PKIA: variants seen among roughly 807,000 people sequenced by gnomAD.
PKIA encodes the protein PKI-alpha.
Under a neutral mutation model 7.6 loss-of-function variants are expected in PKIA, and 4 were observed. That is an observed-to-expected ratio of 0.52 (90% CI 0.26 to 1.20). The LOEUF (loss-of-function observed/expected upper bound fraction) is 1.20, where lower values mean the gene tolerates loss of function less well. PKIA is among the 50% of genes most tolerant of loss of function. The pLI, the probability that PKIA is intolerant of heterozygous loss-of-function variation, is 0.13. For synonymous variants in PKIA, 21 were observed against 30.7 expected, an observed-to-expected ratio of 0.68 and a Z score of 1.04; for missense variants, 73 against 86.2, an observed-to-expected ratio of 0.85 and a Z score of 0.61.
intron 1 of PKIA, among the ~76,000 whole-genome samples, chr8:78,557,303 G>A (rs866104156): frequency 2.6e-5 from 4 of 152,060 alleles, no homozygotes; most frequent in Non-Finnish European, 2.9e-5. Flanking sequence ...TAGTTTTCCA[G>A]GGACTTAATA....
At chr8:78,564,193 A>T (rs1450200355) in intron 1 of PKIA, among the ~76,000 whole-genome samples, 2 of 152,092 alleles carry the variant, frequency 1.3e-5, no homozygotes, top group South Asian at 2.1e-4. Flanking sequence ...AAAAAGAAAA[A>T]AAAGAATGGC....
chr8:78,516,458 G>A lies in PKIA; in HGVS notation c.-167G>A, dbSNP rs1268271086. On this transcript the variant is annotated 5_prime_UTR_variant, in exon 1 of 4. Transcript: ENST00000396418. ...GTGCGCGGGGACCTGCGCTGACTAGGTCCGGGGAAGGTAAGCAGCCCGGCA... is the reference window on the plus strand; with the variant it reads ...GTGCGCGGGGACCTGCGCTGACTAGATCCGGGGAAGGTAAGCAGCCCGGCA... The A allele has an allele frequency of 6.6e-6, 1 of 152,314 alleles. No individual in the cohort carries two copies. Among genetic ancestry groups the A allele is most frequent in the Non-Finnish European group, 1.5e-5 (1 of 68,138 alleles). 9.4% of individuals were successfully genotyped at this position (152,314 alleles called of 1,614,324 possible).
rs1254330520 is a variant in PKIA at position 78,604,192 on chromosome 8, T to C, written c.*2371T>C. On this transcript the variant is annotated 3_prime_UTR_variant, in exon 4 of 4. Coordinates refer to ENST00000396418, the MANE Select transcript of PKIA (RefSeq NM_006823.4). ...AGGGCCTTGGGTTTAGTAACAGGCA[T>C]TGGATGTCTATTAACCAACTATTCT... The C allele has an allele frequency of 1.6e-4, 24 of 152,128 alleles. No individual in the cohort carries two copies. Among genetic ancestry groups the C allele is most frequent in the African/African-American group, 2.4e-5 (1 of 41,538 alleles). 9.4% of individuals were successfully genotyped at this position (152,128 alleles called of 1,614,324 possible). A position where few individuals can be genotyped will look rare whatever the true frequency, so the allele number is the denominator to read the frequency against.
intron 2 of PKIA, among the ~76,000 whole-genome samples, chr8:78,596,353 T>C (rs1330041053): frequency 6.6e-6 from 1 of 152,050 alleles, no homozygotes; most frequent in Non-Finnish European, 1.5e-5. Context: ...GATTCTCCTG[T>C]TTCAGCCTCT....
chr8:78,565,508 G>A (rs867796840), intron 1 of PKIA, among the ~76,000 whole-genome samples: 50 of 152,016 alleles, frequency 3.3e-4, no homozygotes, highest in African/African-American at 1.2e-3. Flanking sequence ...TGTCTTCTTA[G>A]TCTAAACCTG....
intron 3 of PKIA, 81 bp downstream of exon 3, chr8:78,598,616 C>G (rs185224990): frequency 8.9e-7 from 1 of 1,118,226 alleles, no homozygotes; most frequent in Admixed American, 2.0e-5. Context: ...GCACGAAAAG[C>G]CATCTTTGAA....
intron 1 of PKIA, among the ~76,000 whole-genome samples, chr8:78,521,592 T>C (rs1350827416): frequency 6.7e-6 from 1 of 148,272 alleles, no homozygotes; most frequent in Non-Finnish European, 1.5e-5. Flanking sequence ...CCCAAATACC[T>C]TTTTTTGTAC....
At chr8:78,545,820 T>C (rs1806807265) in intron 1 of PKIA, among the ~76,000 whole-genome samples, 1 of 152,148 alleles carries the variant, frequency 6.6e-6, no homozygotes, top group Non-Finnish European at 1.5e-5. Flanking sequence ...ACTGATAGCA[T>C]CAATAGAAAT....
At chr8:78,540,691 G>T (rs879673408) in intron 1 of PKIA, among the ~76,000 whole-genome samples, 7 of 151,338 alleles carry the variant, frequency 4.6e-5, no homozygotes, top group Non-Finnish European at 8.8e-5. Context: ...TTACTTTCTG[G>T]TTTTCCTTTT....
rs184464628 is a variant in PKIA at position 78,554,265 on chromosome 8, T to C, written c.-156-18546T>C. Among the ~76,000 whole-genome samples, 794 of 152,138 alleles carry C rather than the reference T, an allele frequency of 5.2e-3. 4 individuals are homozygous for C. The highest frequency in any genetic ancestry group is 8.8e-3 in the Non-Finnish European group (596 of 67,916). ...GTTGACGCCAGGCCAGGGTTTTCAC[T>C]ATGCAACCTAGCATGTAGCCCTAAA... is the stretch of plus-strand genomic sequence containing the variant. On this transcript the variant is annotated intron_variant, in intron 1 of 3. Transcript: ENST00000396418.
Position 78,548,145 on chromosome 8 carries a change from T to A in PKIA, c.-156-24666T>A, listed in dbSNP as rs544807208. Among the ~76,000 whole-genome samples, 4 of 152,248 alleles carry A rather than the reference T, an allele frequency of 2.6e-5. No individual in the cohort carries two copies. The East Asian group carries it at 5.8e-4, about 22-fold the overall frequency. On this transcript the variant is annotated intron_variant, in intron 1 of 3. Coordinates refer to ENST00000396418, the MANE Select transcript of PKIA (RefSeq NM_006823.4). ...GATTAAACTACACAGATATAAGGTT[T>A]GATGTATTTTCTTAAAAGATGAGAA...
chr8:78,588,480 C>T (rs899127916), intron 2 of PKIA, among the ~76,000 whole-genome samples: 1 of 151,194 alleles, frequency 6.6e-6, no homozygotes, highest in African/African-American at 2.4e-5. Context: ...AATTGCATCT[C>T]AAAAAAAATA....
Position 78,603,981 on chromosome 8 carries a change from G to C in PKIA, c.*2160G>C, listed in dbSNP as rs1808415863. 2 of 151,906 alleles carry C rather than the reference G, an allele frequency of 1.3e-5. No homozygotes were observed. The highest frequency in any genetic ancestry group is 1.3e-4 in the Admixed American group (2 of 15,210). The allele number at this position is 151,906 out of a possible 1,614,324, so 9.4% of individuals were successfully genotyped here. A position where few individuals can be genotyped will look rare whatever the true frequency, so the allele number is the denominator to read the frequency against. On this transcript the variant is annotated 3_prime_UTR_variant, in exon 4 of 4. Transcript: ENST00000396418. ...TAGTTTGACTTCTTACTACTGCTTT[G>C]TCTGCTATATTCAAACCCAAAGGCA...
intron 1 of PKIA, among the ~76,000 whole-genome samples, chr8:78,547,520 T>C (rs552692810): frequency 4.6e-5 from 7 of 152,344 alleles, no homozygotes; most frequent in South Asian, 2.1e-4. Flanking sequence ...TAACCACTTA[T>C]GTTACAAATG....
intron 1 of PKIA, among the ~76,000 whole-genome samples, chr8:78,542,758 C>T (rs778480346): frequency 1.6e-4 from 24 of 152,146 alleles, no homozygotes; most frequent in Admixed American, 3.9e-4. Context: ...CCAAGATGCC[C>T]CTCCTACCTG....
chr8:78,528,989 G>A (rs1234267197), intron 1 of PKIA, among the ~76,000 whole-genome samples: 2 of 151,648 alleles, frequency 1.3e-5, no homozygotes, highest in East Asian at 3.9e-4. Context: ...AAAACTTTAG[G>A]GTCAAAATTA....
rs143838112 is a variant in PKIA at position 78,584,752 on chromosome 8, C to T, written c.-28+11813C>T. On this transcript the variant is annotated intron_variant, in intron 2 of 3. Transcript: ENST00000396418. The stretch of plus-strand genomic sequence containing the variant: ...TTTGTACCCTGAATTGTGCAGAAAA[C>T]ACTTTTCTAAAATTTAGAGTGCAAA... Among the ~76,000 whole-genome samples the T allele has an allele frequency of 2.0e-5, 3 of 152,166 alleles. No individual in the cohort carries two copies. In the East Asian group the frequency reaches 5.8e-4, roughly 29 times the overall value.
Position 78,553,808 on chromosome 8 carries a change from TTTA to T in PKIA, c.-156-19001_-156-18999del, listed in dbSNP as rs1265903270. 2.0e-5 allele frequency among the ~76,000 whole-genome samples: 3 copies of T among 152,016 alleles called. No individual in the cohort carries two copies. In the East Asian group the frequency reaches 5.8e-4, roughly 29 times the overall value. ...AATCTATTTTCCTTTTCTTCAGAGT[TTTA>T]TAACACCACAAAAGGTCATCCTTAA... On this transcript the variant is annotated intron_variant, in intron 1 of 3. Transcript: ENST00000396418.
chr8:78,590,621 G>C (rs569851281), intron 2 of PKIA, among the ~76,000 whole-genome samples: 2 of 151,648 alleles, frequency 1.3e-5, no homozygotes, highest in Non-Finnish European at 1.5e-5. Flanking sequence ...AGTTGCAAAT[G>C]TAAATCAATG....
Sources: gnomAD v4.1 joint callset for allele counts (sites outside exome capture counted in the v4.1 genomes callset) on GRCh38, gnomAD v4.1.1 for gene constraint, MANE v1.5 for transcripts, NCBI Gene and HGNC (gene_info 2026-07-23, HGNC 2026-07-21) for gene names.